Variants in NFATC2IP observed in about 807,000 individuals in gnomAD.
NFATC2IP encodes NFATC2-interacting protein.
In NFATC2IP, 25 loss-of-function variants were observed where a neutral mutation model predicts 40.2. The observed-to-expected ratio is 0.62, with a 90% confidence interval of 0.45 to 0.87. The LOEUF is 0.87. NFATC2IP is among the 40% of genes least tolerant of loss of function. The pLI is 0.00. For synonymous variants in NFATC2IP, 241 were observed against 236.3 expected (o/e 1.02, Z -0.18); for missense variants, 553 against 555.6 (o/e 1.00, Z 0.05).
At position 28,951,138 on chromosome 16, in the gene NFATC2IP, C is replaced by T. The variant is rs1964960773; in HGVS notation, c.127C>T (p.Leu43=). 22 of 1,546,608 alleles carry T rather than the reference C, an allele frequency of 1.4e-5. No homozygotes were observed. Among genetic ancestry groups the T allele is most frequent in the Non-Finnish European group, 1.9e-5 (22 of 1,145,004 alleles). The change falls in exon 1 of 8, where the codon CTG becomes TTG. Residue 43 remains leucine, a synonymous_variant. Transcript: ENST00000320805. ...RAQRSPSRGT[L]DVVSVDLVTD... is the part of the protein sequence containing the mutation. ...CCAGCGGTCTCCATCCCGGGGCACG[C>T]TGGACGTAGTGTCTGTGGACTTGGT...
chr16:28,953,183 T>C lies in NFATC2IP; in HGVS notation c.460+979T>C, dbSNP rs544418142. Among the ~76,000 whole-genome samples, 9 of 152,264 alleles carry C rather than the reference T, an allele frequency of 5.9e-5. No individual in the cohort carries two copies. In the South Asian group the frequency reaches 8.3e-4, roughly 14 times the overall value. On this transcript the variant is annotated intron_variant, in intron 2 of 7. Transcript: ENST00000320805. ...TCCATCTCCCAGGTTGAAGCCATTC[T>C]CCTGCCTCAGCCTCCCGAGTAGCAG...
At chr16:28,956,912 T>C (rs921045649) in intron 5 of NFATC2IP, 7 of 153,474 alleles carry the variant, frequency 4.6e-5, no homozygotes, top group Non-Finnish European at 8.7e-5. Context: ...GACATTACCA[T>C]TACTGATGCA....
chr16:28,954,914 T>C (rs1138309), intron 3 of NFATC2IP, among the ~76,000 whole-genome samples: 2 of 152,078 alleles, frequency 1.3e-5, no homozygotes, highest in Non-Finnish European at 2.9e-5. Flanking sequence ...ACCCTAGTAA[T>C]GTGAGCTTAA....
At position 28,963,877 on chromosome 16, in the gene NFATC2IP, G is replaced by A. The variant is rs752064567; in HGVS notation, c.*14G>A. 2.0e-5 allele frequency: 32 copies of A among 1,613,486 alleles called. No individual in the cohort carries two copies. The highest frequency in any genetic ancestry group is 2.6e-5 in the Non-Finnish European group (31 of 1,179,578). ...GTCTGGGGCTGACACCCCACTCCCT[G>A]TTTGACGGCCCAGCCTGGACTTGGG... is the stretch of plus-strand genomic sequence containing the variant. On this transcript the variant is annotated 3_prime_UTR_variant, in exon 8 of 8. Transcript: ENST00000320805.
At chr16:28,963,506 G>A (rs1965110200) in intron 7 of NFATC2IP, among the ~76,000 whole-genome samples, 199 bp from the exon 8 acceptor site, 1 of 152,200 alleles carries the variant, frequency 6.6e-6, no homozygotes, top group Admixed American at 6.5e-5. Context: ...CCAGAGGGAT[G>A]ACAGGATTCG....
Position 28,965,845 on chromosome 16 carries a change from A to G in NFATC2IP, c.*1982A>G, listed in dbSNP as rs1163688527. On this transcript the variant is annotated 3_prime_UTR_variant, in exon 8 of 8. Coordinates refer to ENST00000320805, the MANE Select transcript of NFATC2IP (RefSeq NM_032815.4). ...CGGGGTGGGTGGATCACTTGAGGCCAGGAGTTCAAGACCACCCTGACCAAC... is the reference window on the plus strand; with the variant it reads ...CGGGGTGGGTGGATCACTTGAGGCCGGGAGTTCAAGACCACCCTGACCAAC... 1.3e-5 allele frequency: 2 copies of G among 152,136 alleles called. No homozygotes were observed. Among genetic ancestry groups the G allele is most frequent in the African/African-American group, 2.4e-5 (1 of 41,416 alleles). The allele number at this position is 152,136 out of a possible 1,614,324, so 9.4% of individuals were successfully genotyped here. A position where few individuals can be genotyped will look rare whatever the true frequency, so the allele number is the denominator to read the frequency against.
At chr16:28,959,283 G>A (rs1332486137) in intron 7 of NFATC2IP, among the ~76,000 whole-genome samples, 183 bp downstream of exon 7, 6 of 152,028 alleles carry the variant, frequency 3.9e-5, no homozygotes, top group Non-Finnish European at 8.8e-5. Context: ...TTCCCTCCCC[G>A]CTTCTACTGG....
At chr16:28,955,403 T>C (rs1425375885) in intron 3 of NFATC2IP, among the ~76,000 whole-genome samples, 3 of 152,082 alleles carry the variant, frequency 2.0e-5, no homozygotes, top group East Asian at 1.9e-4. Context: ...ACTGGACATA[T>C]GGTAAGTGCT....
At chr16:28,955,305 A>G (rs951418320) in intron 3 of NFATC2IP, among the ~76,000 whole-genome samples, 3 of 152,152 alleles carry the variant, frequency 2.0e-5, no homozygotes, top group African/African-American at 7.2e-5. Context: ...GGCTAGGCAC[A>G]ATGGCTCTTG....
At chr16:28,952,233 G>T (rs755954072) in intron 2 of NFATC2IP, 29 bp downstream of exon 2, 37 of 1,612,214 alleles carry the variant, frequency 2.3e-5, no homozygotes, top group Non-Finnish European at 2.9e-5. Flanking sequence ...GGAGAGGCAC[G>T]CAGCCGCTGG....
At position 28,963,847 on chromosome 16, in the gene NFATC2IP, T is replaced by A. The variant is rs140446911; in HGVS notation, c.1244T>A (p.Ile415Asn). 109 of 1,613,994 alleles carry A rather than the reference T, an allele frequency of 6.8e-5. No individual in the cohort carries two copies. The highest frequency in any genetic ancestry group is 8.7e-5 in the Non-Finnish European group (103 of 1,179,946). The change falls in exon 8 of 8, where the codon ATT becomes AAT. Residue 415 changes from isoleucine to asparagine, a missense_variant. Transcript: ENST00000320805. ...ADLGMESGDL[I>N]EVWG Reference sequence around the variant, plus strand: ...CTGGGCATGGAATCTGGGGACCTCATTGAGGTCTGGGGCTGACACCCCACT... The same window carrying A: ...CTGGGCATGGAATCTGGGGACCTCAATGAGGTCTGGGGCTGACACCCCACT...
chr16:28,954,790 A>G, intron 3 of NFATC2IP, 108 bp downstream of exon 3: 1 of 667,180 alleles, frequency 1.5e-6, no homozygotes, highest in Non-Finnish European at 2.6e-6. Flanking sequence ...AGAAGAAGGG[A>G]TAGAAGGACT....
chr16:28,954,784 G>A, intron 3 of NFATC2IP, 102 bp downstream of exon 3: 1 of 671,146 alleles, frequency 1.5e-6, no homozygotes, highest in Non-Finnish European at 2.6e-6. Flanking sequence ...AGGTTAAGAA[G>A]AAGGGATAGA....
chr16:28,953,138 A>G (rs1596727058), intron 2 of NFATC2IP, among the ~76,000 whole-genome samples: 2 of 150,588 alleles, frequency 1.3e-5, no homozygotes, highest in African/African-American at 4.9e-5. Context: ...GTAGTGGCGC[A>G]ATCTTAGCTC....
chr16:28,962,933 C>G (rs1965102775), intron 7 of NFATC2IP, among the ~76,000 whole-genome samples: 1 of 152,178 alleles, frequency 6.6e-6, no homozygotes. Context: ...CCTGTCATCC[C>G]AGCACTTTGG....
Position 28,956,020 on chromosome 16 carries a change from C to A in NFATC2IP, c.621C>A (p.Thr207=). 6.2e-7 allele frequency: 1 copy of A among 1,614,132 alleles called. No homozygotes were observed. Among genetic ancestry groups the A allele is most frequent in the Non-Finnish European group, 8.5e-7 (1 of 1,180,030 alleles). ...CTCTGTCCCCACCTTCACCAAGGACCAAAAGCAGAACGCATACTCGGGCAC... is the reference window on the plus strand; with the variant it reads ...CTCTGTCCCCACCTTCACCAAGGACAAAAAGCAGAACGCATACTCGGGCAC... ...NSPLSPPSPR[T]KSRTHTRALK... is the part of the protein sequence containing the mutation. Residue 207 remains threonine, a synonymous_variant, in exon 4 of 8, where the codon ACC becomes ACA. Transcript: ENST00000320805.
chr16:28,951,029 G>C lies in NFATC2IP; in HGVS notation c.18G>C (p.Gly6=). Reference sequence around the variant, plus strand: ...AGTGTGCCATGGCGGAGCCTGTGGGGAAGCGGGGCCGCTGGTCCGGAGGTA... The same window carrying C: ...AGTGTGCCATGGCGGAGCCTGTGGGCAAGCGGGGCCGCTGGTCCGGAGGTA... MAEPV[G]KRGRWSGGSG... The change falls in exon 1 of 8, where the codon GGG becomes GGC. Residue 6 remains glycine, a synonymous_variant. Transcript: ENST00000320805. 1 of 1,526,634 alleles carries C rather than the reference G, an allele frequency of 6.6e-7. No individual in the cohort carries two copies. Among genetic ancestry groups the C allele is most frequent in the Non-Finnish European group, 8.8e-7 (1 of 1,139,500 alleles). The allele number at this position is 1,526,634 out of a possible 1,614,324, so 94.6% of individuals were successfully genotyped here. A position where few individuals can be genotyped will look rare whatever the true frequency, so the allele number is the denominator to read the frequency against.
At position 28,955,848 on chromosome 16, in the gene NFATC2IP, A is replaced by G. The variant is rs141592048; in HGVS notation, c.579-130A>G. On this transcript the variant is annotated intron_variant, in intron 3 of 7. Transcript: ENST00000320805. ...GAGCGATCCTCCTGGCTCAGCCTCC[A>G]AAAGTGCTGGGATTACAGGTGTGAG... The G allele has an allele frequency of 1.0e-3, 775 of 755,160 alleles. 5 individuals are homozygous for G. In the African/African-American group the frequency reaches 0.011, roughly 11 times the overall value. The allele number at this position is 755,160 out of a possible 1,614,324, so 46.8% of individuals were successfully genotyped here.
intron 5 of NFATC2IP, 193 bp downstream of exon 5, chr16:28,956,530 C>T (rs1965024242): frequency 1.7e-6 from 1 of 575,624 alleles, no homozygotes; most frequent in African/African-American, 1.9e-5. Context: ...TCCCAACGCT[C>T]CCCTCTCTTT....
Sources: gnomAD v4.1 joint callset for allele counts (sites outside exome capture counted in the v4.1 genomes callset) on GRCh38, gnomAD v4.1.1 for gene constraint, MANE v1.5 for transcripts, NCBI Gene and HGNC (gene_info 2026-07-23, HGNC 2026-07-21) for gene names.